The following MEI4 variants were observed in gnomAD, a reference collection of about 807,000 sequenced individuals.
MEI4 encodes the protein meiotic double-stranded break formation protein 4.
A neutral mutation model predicts 31.4 loss-of-function variants in MEI4; 27 were observed. The ratio of observed to expected loss-of-function variants is 0.86; its 90% CI spans 0.63 to 1.19. The LOEUF (loss-of-function observed/expected upper bound fraction) is 1.19. Ranked by LOEUF, MEI4 falls within the 50% of genes most tolerant of loss-of-function variation. The pLI is 0.00. For synonymous variants in MEI4, 122 were observed against 145.4 expected, an observed-to-expected ratio of 0.84 and a Z score of 1.16; for missense variants, 329 against 398.9, an observed-to-expected ratio of 0.82 and a Z score of 1.49.
intron 3 of MEI4, among the ~76,000 whole-genome samples, chr6:77,803,078 G>T (rs1359333810): frequency 6.6e-6 from 1 of 152,140 alleles, no homozygotes; most frequent in Non-Finnish European, 1.5e-5. Context: ...TTCCAACTTG[G>T]TTCCATTCTC....
chr6:77,713,368 ATTTT>A (rs975092262), intron 2 of MEI4, among the ~76,000 whole-genome samples: 1 of 152,004 alleles, frequency 6.6e-6, no homozygotes, highest in Non-Finnish European at 1.5e-5. Context: ...GAACCTAAGA[ATTTT>A]TTTGTTTGTT....
chr6:77,868,076 G>A (rs1018023474), intron 4 of MEI4, among the ~76,000 whole-genome samples: 3 of 148,066 alleles, frequency 2.0e-5, no homozygotes, highest in Admixed American at 1.4e-4. Context: ...TGTGGGGTGA[G>A]GGGTGGGAGG....
intron 1 of MEI4, among the ~76,000 whole-genome samples, chr6:77,659,603 G>A (rs201097327): frequency 1.3e-5 from 2 of 152,262 alleles, no homozygotes; most frequent in African/African-American, 2.4e-5. Flanking sequence ...ATAAGTAAAC[G>A]AGAAGAGGGC....
chr6:77,746,648 T>C (rs1767615470), intron 2 of MEI4, among the ~76,000 whole-genome samples: 1 of 107,804 alleles, frequency 9.3e-6, no homozygotes, highest in Non-Finnish European at 1.9e-5. Context: ...CGTGTGTGTG[T>C]GTGTGTGTGT....
intron 1 of MEI4, among the ~76,000 whole-genome samples, chr6:77,664,601 G>A (rs1020404805): frequency 2.6e-5 from 4 of 152,072 alleles, no homozygotes; most frequent in Non-Finnish European, 4.4e-5. Flanking sequence ...TCGGCCTGGT[G>A]AGGAGGGGAG....
At chr6:77,870,481 A>G (rs1037737135) in intron 4 of MEI4, among the ~76,000 whole-genome samples, 1 of 152,230 alleles carries the variant, frequency 6.6e-6, no homozygotes, top group African/African-American at 2.4e-5. Flanking sequence ...AAGTGATGTA[A>G]TATTACTGAA....
At chr6:77,864,817 C>T (rs968180649) in intron 4 of MEI4, among the ~76,000 whole-genome samples, 15 of 152,186 alleles carry the variant, frequency 9.9e-5, no homozygotes, top group African/African-American at 3.4e-4. Flanking sequence ...CCAAAATTGA[C>T]CACATAGGTG....
chr6:77,862,781 A>T (rs1279646238), intron 4 of MEI4, among the ~76,000 whole-genome samples: 1 of 152,174 alleles, frequency 6.6e-6, no homozygotes, highest in Non-Finnish European at 1.5e-5. Flanking sequence ...GGCCTCCTCA[A>T]GTGGGTCCCT....
chr6:77,849,902 A>T (rs1409893555), intron 4 of MEI4, among the ~76,000 whole-genome samples: 2 of 152,198 alleles, frequency 1.3e-5, no homozygotes, highest in African/African-American at 2.4e-5. Flanking sequence ...CCCATGTGGC[A>T]TATTGGTTTT....
chr6:77,844,873 C>T (rs1176739507), intron 4 of MEI4, among the ~76,000 whole-genome samples: 2 of 152,120 alleles, frequency 1.3e-5, no homozygotes, highest in Non-Finnish European at 2.9e-5. Flanking sequence ...AACTAGGACT[C>T]ATTAACCTGT....
chr6:77,850,561 G>T (rs1770591612), intron 4 of MEI4, among the ~76,000 whole-genome samples: 1 of 152,184 alleles, frequency 6.6e-6, no homozygotes, highest in Non-Finnish European at 1.5e-5. Context: ...AACAAATGGT[G>T]CTGGGAAGAC....
At chr6:77,664,519 G>A (rs1768581634) in intron 1 of MEI4, among the ~76,000 whole-genome samples, 1 of 152,170 alleles carries the variant, frequency 6.6e-6, no homozygotes, top group African/African-American at 2.4e-5. Context: ...GCCCCACCAG[G>A]TGTGAGGAGG....
At chr6:77,711,523 A>G (rs1391027839) in intron 2 of MEI4, among the ~76,000 whole-genome samples, 1 of 152,178 alleles carries the variant, frequency 6.6e-6, no homozygotes, top group East Asian at 1.9e-4. Flanking sequence ...ATTTTCCTAC[A>G]TGAATCTCAG....
chr6:77,768,427 C>T (rs1474510249), intron 3 of MEI4, among the ~76,000 whole-genome samples: 4 of 151,924 alleles, frequency 2.6e-5, no homozygotes, highest in South Asian at 4.1e-4. Flanking sequence ...GGGCTGGGTG[C>T]GGTGGCTCAC....
intron 2 of MEI4, among the ~76,000 whole-genome samples, chr6:77,701,959 C>G (rs1325626300): frequency 6.6e-6 from 1 of 152,094 alleles, no homozygotes; most frequent in Admixed American, 6.5e-5. Context: ...TCACATTGCT[C>G]AGGTTGGTCC....
intron 4 of MEI4, among the ~76,000 whole-genome samples, chr6:77,894,311 C>T (rs950366642): frequency 2.6e-5 from 4 of 151,978 alleles, no homozygotes; most frequent in Non-Finnish European, 5.9e-5. Flanking sequence ...ACAAGGGTGA[C>T]TTACACTGTA....
intron 4 of MEI4, among the ~76,000 whole-genome samples, chr6:77,917,864 A>T (rs373194500): frequency 4.1e-5 from 6 of 147,354 alleles, no homozygotes; most frequent in African/African-American, 7.7e-5. Context: ...CTGAATGGTA[A>T]TGCCTAGGTT....
chr6:77,661,477 T>C (rs1451558333), intron 1 of MEI4, among the ~76,000 whole-genome samples: 1 of 152,146 alleles, frequency 6.6e-6, no homozygotes, highest in Non-Finnish European at 1.5e-5. Flanking sequence ...ATTTTAGTTT[T>C]CTGACTCGAG....
chr6:77,748,325 G>T (rs1767669225), intron 2 of MEI4, among the ~76,000 whole-genome samples: 1 of 152,228 alleles, frequency 6.6e-6, no homozygotes. Flanking sequence ...CTGAAATCTA[G>T]TCAGTGGTTT....
Sources: allele counts gnomAD v4.1 joint callset (sites outside exome capture counted in the v4.1 genomes callset), GRCh38; gene constraint gnomAD v4.1.1; transcripts MANE v1.5; gene names NCBI Gene and HGNC (gene_info 2026-07-23, HGNC 2026-07-21).